SPOCK1: variants seen among roughly 807,000 people sequenced by gnomAD.
SPOCK1 encodes testican-1.
SPOCK1 carries 23 observed loss-of-function variants against 55.3 expected under a neutral mutation model. That is an observed-to-expected ratio of 0.42 (90% confidence interval 0.30 to 0.59). The LOEUF is 0.59. Ranked by LOEUF, SPOCK1 falls within the 20% of genes least tolerant of loss-of-function variation. The pLI is 0.22. For synonymous variants in SPOCK1, 226 were observed against 221.0 expected, an observed-to-expected ratio of 1.02 and a Z score of -0.20; for missense variants, 499 against 552.5, an observed-to-expected ratio of 0.90 and a Z score of 0.97.
intron 4 of SPOCK1, among the ~76,000 whole-genome samples, chr5:137,137,700 C>T (rs752205336): frequency 5.9e-5 from 9 of 152,230 alleles, no homozygotes; most frequent in Non-Finnish European, 1.2e-4. Flanking sequence ...AGAAATGACA[C>T]TGTCATCCTC....
At chr5:137,421,012 GT>G (rs1407492318) in intron 2 of SPOCK1, among the ~76,000 whole-genome samples, 10 of 152,138 alleles carry the variant, frequency 6.6e-5, no homozygotes, top group Non-Finnish European at 1.3e-4. Context: ...GTTCTCATTG[GT>G]TTCAAAGAAC....
At chr5:137,346,394 ACT>A (rs1750555709) in intron 2 of SPOCK1, among the ~76,000 whole-genome samples, 1 of 151,912 alleles carries the variant, frequency 6.6e-6, no homozygotes, top group Non-Finnish European at 1.5e-5. Context: ...ATTTGACTCA[ACT>A]CTGCATTGTC....
chr5:137,469,963 GC>G (rs1161256611), intron 2 of SPOCK1, among the ~76,000 whole-genome samples: 1 of 152,156 alleles, frequency 6.6e-6, no homozygotes, highest in Non-Finnish European at 1.5e-5. Context: ...GGACCCAGAG[GC>G]TGGCTGTGAA....
chr5:137,404,012 C>T (rs1329436604), intron 2 of SPOCK1, among the ~76,000 whole-genome samples: 1 of 152,132 alleles, frequency 6.6e-6, no homozygotes, highest in African/African-American at 2.4e-5. Flanking sequence ...GACAGACAGG[C>T]CTGCTGGTAG....
intron 2 of SPOCK1, among the ~76,000 whole-genome samples, chr5:137,411,006 C>A (rs1418420460): frequency 6.6e-6 from 1 of 152,202 alleles, no homozygotes; most frequent in Non-Finnish European, 1.5e-5. Flanking sequence ...AAGCAAGTGA[C>A]AAATGCCCAT....
intron 2 of SPOCK1, among the ~76,000 whole-genome samples, chr5:137,330,488 A>G (rs765752979): frequency 6.6e-6 from 1 of 152,240 alleles, no homozygotes; most frequent in Non-Finnish European, 1.5e-5. Context: ...CACCAGATGC[A>G]TTGTAAAAAT....
At chr5:137,352,147 G>A (rs1364820544) in intron 2 of SPOCK1, among the ~76,000 whole-genome samples, 2 of 152,216 alleles carry the variant, frequency 1.3e-5, no homozygotes, top group African/African-American at 2.4e-5. Flanking sequence ...CTGTTTAGAA[G>A]GCTTGAGAAA....
rs114325328 is a variant in SPOCK1 at position 137,222,694 on chromosome 5, A to G, written c.232+44316T>C. On this transcript the variant is annotated intron_variant, in intron 3 of 10. Transcript: ENST00000394945. The stretch of plus-strand genomic sequence containing the variant: ...TGTGTGGGTTTAATCACTTTCATGA[A>G]GACAGACATCCTAGGTAAGTCAAAT... 5.0e-3 allele frequency among the ~76,000 whole-genome samples: 758 copies of G among 152,344 alleles called. 7 individuals are homozygous for G. The highest frequency in any genetic ancestry group is 0.017 in the African/African-American group (719 of 41,582).
intron 2 of SPOCK1, among the ~76,000 whole-genome samples, chr5:137,463,901 T>G (rs1215671047): frequency 1.3e-5 from 2 of 152,030 alleles, no homozygotes; most frequent in African/African-American, 2.4e-5. Context: ...CAAGCCAAGA[T>G]TACACCGCTG....
Position 137,424,756 on chromosome 5 carries a change from T to C in SPOCK1, c.186+73617A>G, listed in dbSNP as rs532086165. ...AAGCCAGACACTAAAGATTAAATAC[T>C]GTATGATTCCACTTATACATAAAAT... On this transcript the variant is annotated intron_variant, in intron 2 of 10. Transcript: ENST00000394945. 2.0e-5 allele frequency among the ~76,000 whole-genome samples: 3 copies of C among 152,344 alleles called. No individual in the cohort carries two copies. In the East Asian group the frequency reaches 5.8e-4, roughly 29 times the overall value.
rs144038641 is a variant in SPOCK1, at chr5:137,086,377, G to A, written c.475-18548C>T. ...GCAGCATCTCTGCTGGGAAGACACC[G>A]CACCCAGGCCACAAAGGCAGCCCAG... On this transcript the variant is annotated intron_variant, in intron 5 of 10. Coordinates refer to ENST00000394945, the MANE Select transcript of SPOCK1 (RefSeq NM_004598.4). Among the ~76,000 whole-genome samples the A allele has an allele frequency of 1.8e-3, 274 of 152,284 alleles. 1 individual carries two copies. The highest frequency in any genetic ancestry group is 2.7e-3 in the Non-Finnish European group (185 of 68,014).
chr5:137,023,022 C>G (rs4421096), intron 6 of SPOCK1, among the ~76,000 whole-genome samples: 96,316 of 152,078 alleles, frequency 0.63, 34,187 homozygotes, highest in Non-Finnish European at 0.81. Flanking sequence ...AGAGGCAGCA[C>G]AGTGTAGTGG....
At position 137,421,514 on chromosome 5, in the gene SPOCK1, G is replaced by T. The variant is rs1752493828; in HGVS notation, c.186+76859C>A. On this transcript the variant is annotated intron_variant, in intron 2 of 10. Coordinates refer to ENST00000394945, the MANE Select transcript of SPOCK1 (RefSeq NM_004598.4). ...GGTGCATATATATTTATGGTAGTTAGCTCTTCTTGTTGAATTGATCCCTTT... is the reference window on the plus strand; with the variant it reads ...GGTGCATATATATTTATGGTAGTTATCTCTTCTTGTTGAATTGATCCCTTT... 2.0e-5 allele frequency among the ~76,000 whole-genome samples: 3 copies of T among 152,302 alleles called. No individual in the cohort carries two copies. The South Asian group carries it at 6.2e-4, about 32-fold the overall frequency.
intron 2 of SPOCK1, among the ~76,000 whole-genome samples, chr5:137,357,625 C>T (rs536676706): frequency 9.2e-5 from 14 of 152,202 alleles, no homozygotes; most frequent in South Asian, 2.1e-4. Context: ...ATATGGGGAA[C>T]GGCAAGCAGG....
chr5:137,375,212 G>A (rs562347343), intron 2 of SPOCK1, among the ~76,000 whole-genome samples: 9 of 152,270 alleles, frequency 5.9e-5, no homozygotes, highest in South Asian at 2.1e-4. Flanking sequence ...CAGATAAACT[G>A]TAGTAATAAA....
At chr5:137,218,617 G>A (rs1755764163) in intron 3 of SPOCK1, among the ~76,000 whole-genome samples, 1 of 152,158 alleles carries the variant, frequency 6.6e-6, no homozygotes, top group South Asian at 2.1e-4. Context: ...TTTTATTCAC[G>A]CTTTGCTGGG....
At chr5:137,229,283 G>A (rs1294085556) in intron 3 of SPOCK1, among the ~76,000 whole-genome samples, 1 of 152,164 alleles carries the variant, frequency 6.6e-6, no homozygotes, top group African/African-American at 2.4e-5. Flanking sequence ...TGGGACATGT[G>A]AATGCATGTG....
At chr5:137,469,866 G>A (rs982249308) in intron 2 of SPOCK1, among the ~76,000 whole-genome samples, 1 of 152,174 alleles carries the variant, frequency 6.6e-6, no homozygotes, top group Non-Finnish European at 1.5e-5. Context: ...GGTGGAAGCT[G>A]TGGACACTAC....
chr5:137,168,199 C>T (rs1754686399), intron 3 of SPOCK1, among the ~76,000 whole-genome samples: 1 of 151,984 alleles, frequency 6.6e-6, no homozygotes, highest in South Asian at 2.1e-4. Flanking sequence ...CTATCTCTCA[C>T]CATATCAAAT....
Sources: allele counts gnomAD v4.1 joint callset (sites outside exome capture counted in the v4.1 genomes callset), GRCh38; gene constraint gnomAD v4.1.1; transcripts MANE v1.5; gene names NCBI Gene and HGNC (gene_info 2026-07-23, HGNC 2026-07-21).